The following DOCK2 variants were observed in gnomAD, a reference collection of about 807,000 sequenced individuals.
DOCK2 encodes dedicator of cytokinesis protein 2.
DOCK2 carries 87 observed loss-of-function variants against 248.9 expected under a neutral mutation model. The ratio of observed to expected loss-of-function variants is 0.35; its 90% confidence interval spans 0.29 to 0.42. The LOEUF (loss-of-function observed/expected upper bound fraction) is 0.42, where lower values mean the gene tolerates loss of function less well. Ranked by LOEUF, DOCK2 falls within the 10% of genes least tolerant of loss-of-function variation. DOCK2 has a pLI of 1.00. For synonymous variants in DOCK2, 805 were observed against 821.6 expected, an observed-to-expected ratio of 0.98 and a Z score of 0.35; for missense variants, 1,747 against 2,300.2, an observed-to-expected ratio of 0.76 and a Z score of 4.92.
At chr5:169,730,413 A>C (rs757199368) in intron 22 of DOCK2, among the ~76,000 whole-genome samples, 2 of 152,174 alleles carry the variant, frequency 1.3e-5, no homozygotes, top group Non-Finnish European at 2.9e-5. Flanking sequence ...TAAGGTGAGC[A>C]TAGGGGAGAA....
intron 1 of DOCK2, among the ~76,000 whole-genome samples, chr5:169,653,551 A>ACAGGTTCCTTCC (rs1384263925): frequency 6.6e-6 from 1 of 152,230 alleles, no homozygotes; most frequent in East Asian, 1.9e-4. Flanking sequence ...AATCTCCTAC[A>ACAGGTTCCTTCC]CAGGTTCCTT....
intron 26 of DOCK2, among the ~76,000 whole-genome samples, chr5:169,824,154 C>T (rs1768678297): frequency 6.6e-6 from 1 of 152,240 alleles, no homozygotes; most frequent in Admixed American, 6.5e-5. Context: ...ATTCCATGCT[C>T]ATGGGTAGGA....
chr5:169,939,578 G>A (rs1416306555), intron 27 of DOCK2, among the ~76,000 whole-genome samples: 5 of 152,012 alleles, frequency 3.3e-5, no homozygotes, highest in Non-Finnish European at 7.4e-5. Context: ...TTTATATGAC[G>A]GGCAGCACAG....
chr5:169,643,240 C>G (rs1757248601), intron 1 of DOCK2, among the ~76,000 whole-genome samples: 1 of 152,226 alleles, frequency 6.6e-6, no homozygotes, highest in Non-Finnish European at 1.5e-5. Context: ...AGGTCAGCTT[C>G]TGCTTTGGTT....
At chr5:169,902,184 C>T (rs1340739406) in intron 27 of DOCK2, among the ~76,000 whole-genome samples, 1 of 152,162 alleles carries the variant, frequency 6.6e-6, no homozygotes, top group South Asian at 2.1e-4. Context: ...AGGGGAATAA[C>T]CAGTTAGTCT....
intron 40 of DOCK2, among the ~76,000 whole-genome samples, chr5:170,048,301 G>C (rs1367312959): frequency 6.6e-6 from 1 of 152,034 alleles, no homozygotes; most frequent in East Asian, 1.9e-4. Flanking sequence ...TGAGACAGGA[G>C]GATTACCTGA....
intron 25 of DOCK2, among the ~76,000 whole-genome samples, chr5:169,772,316 T>G (rs970286429): frequency 6.6e-6 from 1 of 152,254 alleles, no homozygotes; most frequent in Non-Finnish European, 1.5e-5. Flanking sequence ...TTGCACTTTC[T>G]CAATTATGAA....
At chr5:169,647,529 C>T (rs988332697) in intron 1 of DOCK2, among the ~76,000 whole-genome samples, 1 of 152,126 alleles carries the variant, frequency 6.6e-6, no homozygotes, top group Admixed American at 6.5e-5. Flanking sequence ...CACAGCACAG[C>T]AATAAATAGA....
chr5:169,857,816 TAATC>T (rs139089998), intron 27 of DOCK2, among the ~76,000 whole-genome samples: 12,657 of 151,962 alleles, frequency 0.083, 571 homozygotes, highest in Non-Finnish European at 0.096. Context: ...AGGAATTAAA[TAATC>T]AATCATTTTG....
At chr5:169,646,169 T>G (rs1581373297) in intron 1 of DOCK2, among the ~76,000 whole-genome samples, 1 of 152,216 alleles carries the variant, frequency 6.6e-6, no homozygotes, top group African/African-American at 2.4e-5. Flanking sequence ...GGCTGGCCAG[T>G]TTTCCCAGCA....
intron 25 of DOCK2, among the ~76,000 whole-genome samples, chr5:169,765,070 GCACACACACACA>G (rs142755026): frequency 2.0e-5 from 3 of 146,602 alleles, no homozygotes; most frequent in African/African-American, 2.5e-5. Context: ...CTCTTTTAGC[GCACACACACACA>G]CACACACACA....
intron 27 of DOCK2, among the ~76,000 whole-genome samples, chr5:169,957,553 G>A (rs1776920006): frequency 6.6e-6 from 1 of 152,200 alleles, no homozygotes; most frequent in East Asian, 1.9e-4. Flanking sequence ...GGTCACAGGT[G>A]GGACTGGGAC....
At chr5:169,861,098 C>G (rs1278785569) in intron 27 of DOCK2, among the ~76,000 whole-genome samples, 2 of 152,192 alleles carry the variant, frequency 1.3e-5, no homozygotes, top group Non-Finnish European at 2.9e-5. Flanking sequence ...TTTATTCATG[C>G]TGCCTCCCTC....
At chr5:169,981,602 T>C (rs1047514145) in intron 27 of DOCK2, among the ~76,000 whole-genome samples, 1 of 152,160 alleles carries the variant, frequency 6.6e-6, no homozygotes, top group African/African-American at 2.4e-5. Flanking sequence ...ATAAACAAAC[T>C]TCACTATGGC....
At chr5:170,065,065 T>G (rs1367968288) in intron 44 of DOCK2, among the ~76,000 whole-genome samples, 1 of 152,158 alleles carries the variant, frequency 6.6e-6, no homozygotes, top group Non-Finnish European at 1.5e-5. Flanking sequence ...TCTAATAGTT[T>G]GTTAAAGATA....
intron 25 of DOCK2, among the ~76,000 whole-genome samples, chr5:169,796,697 G>A (rs1285217777): frequency 6.6e-6 from 1 of 152,220 alleles, no homozygotes; most frequent in Non-Finnish European, 1.5e-5. Flanking sequence ...CAAGGCAAAG[G>A]CGGGGTGTCA....
chr5:169,951,355 T>A (rs1377510433), intron 27 of DOCK2, among the ~76,000 whole-genome samples: 1 of 152,208 alleles, frequency 6.6e-6, no homozygotes, highest in Non-Finnish European at 1.5e-5. Context: ...AGAGGATTCT[T>A]AATGCTTCCA....
chr5:170,055,512 C>T (rs1039764646), intron 42 of DOCK2, 126 bp downstream of exon 42: 18 of 821,166 alleles, frequency 2.2e-5, no homozygotes, highest in Non-Finnish European at 3.1e-5. Flanking sequence ...CCAGTTTTTC[C>T]CCCCTTTTCC....
chr5:169,780,622 G>C (rs1376492672), intron 25 of DOCK2, among the ~76,000 whole-genome samples: 2 of 152,182 alleles, frequency 1.3e-5, no homozygotes, highest in African/African-American at 4.8e-5. Context: ...CCTGACTTCA[G>C]GTAAAGAGTG....
Sources: allele counts gnomAD v4.1 joint callset (sites outside exome capture counted in the v4.1 genomes callset), GRCh38; gene constraint gnomAD v4.1.1; transcripts MANE v1.5; gene names NCBI Gene and HGNC (gene_info 2026-07-23, HGNC 2026-07-21).